Variants in DNM3 observed in about 807,000 individuals in gnomAD.
DNM3 encodes the protein dynamin-3.
In DNM3, 47 loss-of-function variants were observed where a neutral mutation model predicts 101.6. The ratio of observed to expected loss-of-function variants is 0.46; its 90% CI spans 0.37 to 0.59. The LOEUF (loss-of-function observed/expected upper bound fraction) is 0.59, where lower values mean the gene tolerates loss of function less well. DNM3 is among the 20% of genes least tolerant of loss of function. DNM3 has a pLI of 0.00. For synonymous variants in DNM3, 385 were observed against 387.9 expected (o/e 0.99, Z 0.09); for missense variants, 849 against 1,085.7 (o/e 0.78, Z 3.06).
intron 14 of DNM3, among the ~76,000 whole-genome samples, chr1:172,177,309 T>G (rs1039279367): frequency 2.0e-5 from 3 of 151,752 alleles, no homozygotes; most frequent in Non-Finnish European, 4.4e-5. Context: ...TTATAGTATA[T>G]TGTTATTATT....
intron 14 of DNM3, among the ~76,000 whole-genome samples, chr1:172,225,764 T>C (rs1249398982): frequency 6.6e-6 from 1 of 151,904 alleles, no homozygotes; most frequent in Non-Finnish European, 1.5e-5. Context: ...AAAATAAATA[T>C]AAAAAATTCC....
At chr1:172,066,837 AGTTT>A (rs1272190734) in intron 10 of DNM3, among the ~76,000 whole-genome samples, 3 of 152,054 alleles carry the variant, frequency 2.0e-5, no homozygotes, top group African/African-American at 4.8e-5. Flanking sequence ...GGTAGTTTAT[AGTTT>A]GTTTATCTTA....
At chr1:172,381,194 T>C (rs2068882580) in intron 18 of DNM3, among the ~76,000 whole-genome samples, 2 of 151,970 alleles carry the variant, frequency 1.3e-5, no homozygotes, top group South Asian at 4.1e-4. Flanking sequence ...TACAGGATAT[T>C]ATCCTCGGAG....
At chr1:172,336,676 G>A (rs1480737851) in intron 17 of DNM3, among the ~76,000 whole-genome samples, 1 of 150,026 alleles carries the variant, frequency 6.7e-6, no homozygotes, top group Non-Finnish European at 1.5e-5. Flanking sequence ...TTAATCCTTG[G>A]CAGTTTGATC....
rs535846358 is a variant in DNM3 at position 171,906,764 on chromosome 1, G to C, written c.162-14984G>C. ...ATCTCTAACAAATAATCATCACGAA[G>C]GAAAAGAGGTTACATTTATTGCAGT... is the stretch of plus-strand genomic sequence containing the variant. On this transcript the variant is annotated intron_variant, in intron 1 of 20. Coordinates refer to ENST00000627582, the MANE Select transcript of DNM3 (RefSeq NM_015569.5). Among the ~76,000 whole-genome samples the C allele has an allele frequency of 9.1e-4, 138 of 152,146 alleles. 1 individual carries two copies. Among genetic ancestry groups the C allele is most frequent in the African/African-American group, 3.0e-3 (126 of 41,496 alleles).
chr1:172,394,091 A>G (rs1292984405), intron 20 of DNM3: 4 of 152,218 alleles, frequency 2.6e-5, no homozygotes, highest in East Asian at 1.9e-4. Context: ...CTATAACACA[A>G]TTATTTCATT....
intron 15 of DNM3, among the ~76,000 whole-genome samples, chr1:172,293,971 C>T (rs900979312): frequency 6.6e-6 from 1 of 152,210 alleles, no homozygotes; most frequent in African/African-American, 2.4e-5. Context: ...TGGCCACGCG[C>T]TCCCATGACA....
intron 14 of DNM3, among the ~76,000 whole-genome samples, chr1:172,252,134 TTA>T: frequency 1.3e-5 from 2 of 152,160 alleles, no homozygotes; most frequent in Non-Finnish European, 2.9e-5. Context: ...TTAGTTTCCT[TTA>T]TGTTTCTTCT....
At chr1:171,882,713 A>G (rs2036395837) in intron 1 of DNM3, among the ~76,000 whole-genome samples, 1 of 152,028 alleles carries the variant, frequency 6.6e-6, no homozygotes, top group African/African-American at 2.4e-5. Context: ...TCGTAACTCC[A>G]TTTTCTTTCA....
intron 4 of DNM3, among the ~76,000 whole-genome samples, chr1:172,012,549 T>C (rs191314449): frequency 6.6e-6 from 1 of 152,180 alleles, no homozygotes; most frequent in East Asian, 1.9e-4. Context: ...TCTCAGTTTA[T>C]TTTGGAGTGC....
intron 6 of DNM3, among the ~76,000 whole-genome samples, chr1:172,037,046 C>T (rs1422246511): frequency 3.9e-5 from 6 of 152,114 alleles, no homozygotes; most frequent in Admixed American, 2.0e-4. Flanking sequence ...AAAATGCTCA[C>T]CATCACTGGC....
At chr1:172,016,131 G>A (rs2047437031) in intron 4 of DNM3, among the ~76,000 whole-genome samples, 1 of 150,466 alleles carries the variant, frequency 6.6e-6, no homozygotes, top group Admixed American at 6.6e-5. Flanking sequence ...AGGTTGCAGT[G>A]AGCCAAGATT....
Position 172,219,985 on chromosome 1 carries a change from C to T in DNM3, c.1660-33588C>T, listed in dbSNP as rs998887236. ...TTTAAAGTCAGCTTTTTCTAGATTG[C>T]AAGTAAGCTGTGTAGAGTAAGGGAA... On this transcript the variant is annotated intron_variant, in intron 14 of 20. Transcript: ENST00000627582. Among the ~76,000 whole-genome samples the T allele has an allele frequency of 6.6e-4, 100 of 152,238 alleles. 1 individual carries two copies. The highest frequency in any genetic ancestry group is 2.2e-3 in the African/African-American group (93 of 41,554).
intron 16 of DNM3, chr1:172,310,661 C>T (rs2065041767): frequency 6.6e-6 from 1 of 152,212 alleles, no homozygotes; most frequent in African/African-American, 2.4e-5. Flanking sequence ...AGTGCAAAAC[C>T]AAGCTCAGTG....
rs1331570530 is a variant in DNM3 at position 172,253,622 on chromosome 1, A to G, written c.1709A>G (p.Asp570Gly). Reference sequence around the variant, plus strand: ...CCCTTGGACAACCTGAAAGTTCGGGATGTGGAAAAGAGCTTTATGTCTAGC... The same window carrying G: ...CCCTTGGACAACCTGAAAGTTCGGGGTGTGGAAAAGAGCTTTATGTCTAGC... ...MLPLDNLKVR[D>G]VEKSFMSSKH... The change falls in exon 15 of 21, where the codon GAT (aspartate) becomes GGT (glycine). Residue 570 changes from aspartate (D) to glycine (G), a missense_variant. Transcript: ENST00000627582. The G allele has an allele frequency of 1.9e-6, 3 of 1,595,480 alleles. No individual in the cohort carries two copies. Among genetic ancestry groups the G allele is most frequent in the African/African-American group, 2.7e-5 (2 of 74,352 alleles).
chr1:172,342,313 T>C (rs1363395492), intron 17 of DNM3, among the ~76,000 whole-genome samples: 1 of 152,200 alleles, frequency 6.6e-6, no homozygotes. Context: ...CATGCATATG[T>C]TCCTTGCAGC....
chr1:172,367,759 T>C (rs1051913468), intron 17 of DNM3, among the ~76,000 whole-genome samples: 1 of 151,904 alleles, frequency 6.6e-6, no homozygotes, highest in Non-Finnish European at 1.5e-5. Context: ...ATATATTCCA[T>C]ACAAACAGAA....
intron 4 of DNM3, among the ~76,000 whole-genome samples, chr1:171,992,395 C>T (rs1445952722): frequency 2.6e-5 from 4 of 151,908 alleles, no homozygotes; most frequent in East Asian, 3.9e-4. Flanking sequence ...CCAGTATATT[C>T]GATGTGTTGT....
rs1477148106 is a variant in DNM3, at chr1:172,001,659, G to A, written c.589+12511G>A. On this transcript the variant is annotated intron_variant, in intron 4 of 20. Coordinates refer to ENST00000627582, the MANE Select transcript of DNM3 (RefSeq NM_015569.5). Reference sequence around the variant, plus strand: ...TAGCATGACCAGAGGTCTTCCTAGAGTATAAAACCATCCCAAGAGGAATGT... The same window carrying A: ...TAGCATGACCAGAGGTCTTCCTAGAATATAAAACCATCCCAAGAGGAATGT... 2.0e-5 allele frequency among the ~76,000 whole-genome samples: 3 copies of A among 152,000 alleles called. No individual in the cohort carries two copies. In the East Asian group the frequency reaches 5.8e-4, roughly 29 times the overall value.
Sources: allele counts gnomAD v4.1 joint callset (sites outside exome capture counted in the v4.1 genomes callset), GRCh38; gene constraint gnomAD v4.1.1; transcripts MANE v1.5; gene names NCBI Gene and HGNC (gene_info 2026-07-23, HGNC 2026-07-21).